FAM120AOS: variants seen among roughly 807,000 people sequenced by gnomAD.
FAM120AOS encodes the protein uncharacterized protein FAM120AOS.
FAM120AOS carries 15 observed loss-of-function variants against 20.2 expected under a neutral mutation model. The ratio of observed to expected loss-of-function variants is 0.74; its 90% CI spans 0.50 to 1.15. The LOEUF is 1.15. Among genes scored for constraint, FAM120AOS ranks in the 50% most tolerant of loss-of-function variants. The pLI, the probability that FAM120AOS is intolerant of heterozygous loss-of-function variation, is 0.00. For missense variants in FAM120AOS, 327 were observed against 351.9 expected (o/e 0.93, Z 0.57); for synonymous variants, 154 against 154.0 (o/e 1.00, Z 0.00).
At chr9:93,451,777 A>T in intron 1 of FAM120AOS, 1 of 971,162 alleles carries the variant, frequency 1.0e-6, no homozygotes, top group Non-Finnish European at 1.2e-6. Flanking sequence ...CGCGGCGGCC[A>T]TGAGCGCGCC....
In FAM120AOS at chr9:93,452,786, TC is replaced by T. The variant is rs2131169882; in HGVS notation, c.-78del. 12 of 1,593,170 alleles carry T rather than the reference TC, an allele frequency of 7.5e-6. No homozygotes were observed. The East Asian group carries it at 2.7e-4, about 36-fold the overall frequency. ...CCCTTTTCTAATTTAGCCTGTTCTT[TC>T]CCAGCAACAGGTTCATCTTGGAAGC... On this transcript the variant is annotated 5_prime_UTR_variant, in exon 1 of 3. It introduces an in-frame stop codon into an upstream open reading frame of the 5' UTR. Transcript: ENST00000375412. The surrounding 1 kb of genome is among the most constrained non-coding windows in gnomAD (Gnocchi z 7.0).
intron 2 of FAM120AOS, 82 bp downstream of exon 2, chr9:93,450,397 G>A: frequency 6.7e-7 from 1 of 1,489,464 alleles, no homozygotes; most frequent in Non-Finnish European, 9.0e-7. Flanking sequence ...TAAAATACCA[G>A]CAGCATTTAA....
intron 1 of FAM120AOS, chr9:93,451,631 GC>G (rs1261909726): frequency 1.0e-6 from 1 of 981,726 alleles, no homozygotes; most frequent in Non-Finnish European, 1.2e-6. Flanking sequence ...GGGCGGGTCC[GC>G]TACGTCAGCG....
Position 93,450,487 on chromosome 9 carries a change from C to G in FAM120AOS, c.676G>C (p.Val226Leu), listed in dbSNP as rs561960307. ...AGAAAAATCCAACTTGCCTTTTTCA[C>G]CGGGAGTATGGGGGCTTCTTTGGCC... ...GLAKEAPILP[V>L]KKISRSCSVN... Residue 226 changes from valine (V) to leucine (L), a missense_variant, in exon 2 of 3, where the codon GTG becomes CTG. Transcript: ENST00000375412. 1.1e-5 allele frequency: 18 copies of G among 1,569,818 alleles called. 1 individual carries two copies. In the South Asian group the frequency reaches 2.1e-4, roughly 18 times the overall value.
At position 93,446,368 on chromosome 9, in the gene FAM120AOS, C is replaced by A. The variant is rs1856845295; in HGVS notation, c.*1243G>T. ...TTCTGGTATGAGAGACTTGCTTCCT[C>A]TGGAAAGATCTTTATGGTTTACACA... On this transcript the variant is annotated 3_prime_UTR_variant, in exon 3 of 3. Coordinates refer to ENST00000375412, the MANE Select transcript of FAM120AOS (RefSeq NM_198841.4). The A allele has an allele frequency of 6.6e-6, 1 of 152,112 alleles. No homozygotes were observed. The highest frequency in any genetic ancestry group is 1.5e-5 in the Non-Finnish European group (1 of 68,022). 9.4% of individuals were successfully genotyped at this position (152,112 alleles called of 1,614,324 possible). A position where few individuals can be genotyped will look rare whatever the true frequency, so the allele number is the denominator to read the frequency against.
rs1021453814 is a variant in FAM120AOS, at chr9:93,443,932, A to G, written c.*3679T>C. On this transcript the variant is annotated 3_prime_UTR_variant, in exon 3 of 3. Coordinates refer to ENST00000375412, the MANE Select transcript of FAM120AOS (RefSeq NM_198841.4). ...AACGCCCCTCAGGCAGAAAGCAGAG[A>G]GAGAAAAAAAGATGGATTATTTCCA... Among the ~76,000 whole-genome samples, 1 of 152,210 alleles carries G rather than the reference A, an allele frequency of 6.6e-6. No individual in the cohort carries two copies. Among genetic ancestry groups the G allele is most frequent in the African/African-American group, 2.4e-5 (1 of 41,452 alleles).
At chr9:93,451,526 C>A in intron 1 of FAM120AOS, 6 of 992,516 alleles carry the variant, frequency 6.0e-6, no homozygotes, top group Non-Finnish European at 7.2e-6. Context: ...CTCCGGGCCT[C>A]CGCCTCCGCC....
At chr9:93,451,475 T>A (rs1354734890) in intron 1 of FAM120AOS, 1 of 1,094,142 alleles carries the variant, frequency 9.1e-7, no homozygotes, top group African/African-American at 1.7e-5. Flanking sequence ...AGGCGCTGCC[T>A]GCTCCGGCTC....
Position 93,453,237 on chromosome 9 carries a change from G to T in FAM120AOS, c.-528C>A. On this transcript the variant is annotated 5_prime_UTR_variant, in exon 1 of 3. Coordinates refer to ENST00000375412, the MANE Select transcript of FAM120AOS (RefSeq NM_198841.4). ...TAAGTATTCAGTGACCTTCAGCGGT[G>T]CCCTGACGGGTGGGTAATCAGAGCT... is the stretch of plus-strand genomic sequence containing the variant. The T allele has an allele frequency of 1.0e-6, 1 of 995,048 alleles. No homozygotes were observed. The highest frequency in any genetic ancestry group is 1.2e-6 in the Non-Finnish European group (1 of 836,764). 61.6% of individuals were successfully genotyped at this position (995,048 alleles called of 1,614,324 possible).
chr9:93,452,565 G>A lies in FAM120AOS; in HGVS notation c.145C>T (p.Leu49=). 1 of 1,590,432 alleles carries A rather than the reference G, an allele frequency of 6.3e-7. No individual in the cohort carries two copies. The highest frequency in any genetic ancestry group is 8.5e-7 in the Non-Finnish European group (1 of 1,175,334). The change falls in exon 1 of 3, where the codon CTG becomes TTG. Residue 49 remains leucine, a synonymous_variant. Coordinates refer to ENST00000375412, the MANE Select transcript of FAM120AOS (RefSeq NM_198841.4). This position sits in a 1 kb window ranked among gnomAD's most constrained non-coding sequence, Gnocchi z 7.0. The part of the protein sequence containing the change: ...SWRRAWAARG[L]HPRPSILQPG... ...TGCAAGATGGATGGCCGCGGGTGCA[G>A]GCCGCGCGCTGCCCAAGCCCGTCTC...
At chr9:93,450,344 G>C (rs903972561) in intron 2 of FAM120AOS, 135 bp downstream of exon 2, 8 of 1,314,430 alleles carry the variant, frequency 6.1e-6, no homozygotes, top group African/African-American at 1.5e-5. Context: ...TTATGCATAG[G>C]TGAGTGGCAT....
rs952028631 is a variant in FAM120AOS, at chr9:93,445,816, G to A, written c.*1795C>T. On this transcript the variant is annotated 3_prime_UTR_variant, in exon 3 of 3. Transcript: ENST00000375412. ...TTGCCTCAAGAAAAATAACATCATG[G>A]TAATACTAAGTCTTTTATCAGTGAC... Among the ~76,000 whole-genome samples the A allele has an allele frequency of 6.6e-6, 1 of 151,974 alleles. No individual in the cohort carries two copies. The highest frequency in any genetic ancestry group is 2.4e-5 in the African/African-American group (1 of 41,370).
In FAM120AOS at chr9:93,452,498, G is replaced by A; in HGVS notation, c.212C>T (p.Thr71Ile). Residue 71 changes from threonine to isoleucine, a missense_variant, in exon 1 of 3, where the codon ACT becomes ATT. Physicochemically the swap from Thr to Ile is moderately conservative, Grantham distance 89. Around this residue, in one of 3 missense-constraint regions of FAM120AOS, gnomAD observed 155 missense variants for 128.8 expected, o/e 1.20. Transcript: ENST00000375412. This position sits in a 1 kb window ranked among gnomAD's most constrained non-coding sequence, Gnocchi z 7.0. The part of the protein sequence containing the change: ...ARLSRARAGG[T>I]RCPQRRHGRA... The stretch of plus-strand genomic sequence containing the variant: ...GCCGTGGCGGCGCTGGGGGCAGCGA[G>A]TTCCCCCAGCCCTTGCCCGGGATAG... The A allele has an allele frequency of 6.5e-7, 1 of 1,546,044 alleles. No individual in the cohort carries two copies. Among genetic ancestry groups the A allele is most frequent in the Non-Finnish European group, 8.7e-7 (1 of 1,150,706 alleles).
chr9:93,450,100 C>T (rs1030943140), intron 2 of FAM120AOS, among the ~76,000 whole-genome samples: 3 of 152,196 alleles, frequency 2.0e-5, no homozygotes, highest in African/African-American at 7.2e-5. Flanking sequence ...AATTCTCCTG[C>T]CTCAGCCTCC....
intron 1 of FAM120AOS, chr9:93,451,610 G>A: frequency 1.0e-6 from 1 of 982,402 alleles, no homozygotes; most frequent in Non-Finnish European, 1.2e-6. Flanking sequence ...GGCCTGGGCG[G>A]CGTCCGCGCC....
intron 1 of FAM120AOS, chr9:93,451,258 C>T: frequency 1.3e-6 from 2 of 1,498,364 alleles, no homozygotes; most frequent in Non-Finnish European, 8.9e-7. Flanking sequence ...CAGAGTGACT[C>T]GGCCTCGGCT....
At chr9:93,449,672 G>A (rs1275963347) in intron 2 of FAM120AOS, among the ~76,000 whole-genome samples, 1 of 151,914 alleles carries the variant, frequency 6.6e-6, no homozygotes, top group East Asian at 1.9e-4. Context: ...GTTTTTAGTA[G>A]AGATGGGGTT....
At position 93,443,731 on chromosome 9, in the gene FAM120AOS, G is replaced by C. The variant is rs1856765866; in HGVS notation, c.*3880C>G. Reference sequence around the variant, plus strand: ...TATGTGCAGCTCTGGGCTGAGCACGGAATTCAGCTCATGTACAGAATTAGA... The same window carrying C: ...TATGTGCAGCTCTGGGCTGAGCACGCAATTCAGCTCATGTACAGAATTAGA... On this transcript the variant is annotated 3_prime_UTR_variant, in exon 3 of 3. Transcript: ENST00000375412. Among the ~76,000 whole-genome samples the C allele has an allele frequency of 6.6e-6, 1 of 152,164 alleles. No individual in the cohort carries two copies. Among genetic ancestry groups the C allele is most frequent in the Admixed American group, 6.5e-5 (1 of 15,272 alleles).
chr9:93,452,154 C>T lies in FAM120AOS; in HGVS notation c.556G>A (p.Ala186Thr). ...MLPPKQALAS[A>T]ARNLCRGAGC... ...AACCACATGCTTGGCTACCTGGCGG[C>T]GCTGGCCAAGGCCTGCTTCGGCGGC... Residue 186 changes from alanine to threonine, a missense_variant, in exon 1 of 3, where the codon GCC (alanine) becomes ACC (threonine). By Grantham distance (58) the Ala-to-Thr change is moderately conservative. Around this residue, in one of 3 missense-constraint regions of FAM120AOS, gnomAD observed 86 missense variants for 140.2 expected, o/e 0.61. Coordinates refer to ENST00000375412, the MANE Select transcript of FAM120AOS (RefSeq NM_198841.4). This position sits in a 1 kb window ranked among gnomAD's most constrained non-coding sequence, Gnocchi z 7.0. The T allele has an allele frequency of 6.2e-7, 1 of 1,611,888 alleles. No individual in the cohort carries two copies. The highest frequency in any genetic ancestry group is 1.1e-5 in the South Asian group (1 of 91,036).
Sources: allele counts gnomAD v4.1 joint callset (sites outside exome capture counted in the v4.1 genomes callset), GRCh38; gene constraint gnomAD v4.1.1; regional missense constraint gnomAD v4.1.1; non-coding constraint Gnocchi (gnomAD v3.1); transcripts MANE v1.5; gene names NCBI Gene and HGNC (gene_info 2026-07-23, HGNC 2026-07-21).